The following UBAC2 variants were observed in gnomAD, a reference collection of about 807,000 sequenced individuals.
The protein encoded by UBAC2 is UBA domain containing 2.
A neutral mutation model predicts 44.0 loss-of-function variants in UBAC2; 26 were observed. The observed-to-expected ratio is 0.59, with a 90% CI of 0.43 to 0.82. UBAC2 has a LOEUF of 0.82. Ranked by LOEUF, UBAC2 falls within the 40% of genes least tolerant of loss-of-function variation. UBAC2 has a pLI of 0.00. For missense variants in UBAC2, 329 were observed against 419.4 expected (o/e 0.78, Z 1.88); for synonymous variants, 155 against 154.3 (o/e 1.00, Z -0.04).
At chr13:99,289,649 G>A (rs1202597847) in intron 4 of UBAC2, among the ~76,000 whole-genome samples, 2 of 151,798 alleles carry the variant, frequency 1.3e-5, no homozygotes, top group African/African-American at 4.8e-5. Flanking sequence ...GTTAAACACT[G>A]TTTTAATCAG....
chr13:99,300,482 T>G (rs1364352043), intron 4 of UBAC2, among the ~76,000 whole-genome samples: 2 of 152,226 alleles, frequency 1.3e-5, no homozygotes, highest in African/African-American at 4.8e-5. Flanking sequence ...GAAAATCCTT[T>G]CATATGCGTG....
At chr13:99,242,551 A>G (rs1255071806) in intron 2 of UBAC2, among the ~76,000 whole-genome samples, 1 of 103,276 alleles carries the variant, frequency 9.7e-6, no homozygotes, top group Non-Finnish European at 1.9e-5. Flanking sequence ...GTCCGGGCAG[A>G]GGGGCTCCTC....
chr13:99,204,676 G>A lies in UBAC2; in HGVS notation c.31+3737G>A, dbSNP rs17575181. 4.5e-3 allele frequency among the ~76,000 whole-genome samples: 678 copies of A among 152,160 alleles called. 1 individual carries two copies. The highest frequency in any genetic ancestry group is 7.4e-3 in the Non-Finnish European group (501 of 68,000). Reference sequence around the variant, plus strand: ...GATTTTCAAAACGGGCCTGAAGCGCGACCTGTGGGAAAGAAAGAGGCCCCC... The same window carrying A: ...GATTTTCAAAACGGGCCTGAAGCGCAACCTGTGGGAAAGAAAGAGGCCCCC... On this transcript the variant is annotated intron_variant, in intron 1 of 8. Transcript: ENST00000403766.
intron 4 of UBAC2, chr13:99,258,072 T>C (rs2043598866): frequency 6.6e-6 from 1 of 152,246 alleles, no homozygotes; most frequent in Non-Finnish European, 1.5e-5. Flanking sequence ...GCCTGTATTA[T>C]TAAAATGAAA....
intron 2 of UBAC2, 57 bp from the exon 3 acceptor site, chr13:99,243,774 GA>G: frequency 6.6e-7 from 1 of 1,511,700 alleles, no homozygotes; most frequent in Non-Finnish European, 8.9e-7. Flanking sequence ...ATTTGCTAAG[GA>G]AGAGACCCGA....
At chr13:99,232,394 T>TGA (rs1239741483) in intron 1 of UBAC2, among the ~76,000 whole-genome samples, 32 of 55,918 alleles carry the variant, frequency 5.7e-4, no homozygotes, top group South Asian at 1.4e-3. Context: ...CATCCTTAGT[T>TGA]GAGAGATATA....
At chr13:99,233,827 G>T (rs934474333) in intron 1 of UBAC2, among the ~76,000 whole-genome samples, 9 of 152,100 alleles carry the variant, frequency 5.9e-5, no homozygotes, top group African/African-American at 2.2e-4. Flanking sequence ...AAAAAAAAAG[G>T]CAGTGTTTTT....
In UBAC2 at chr13:99,242,337, C is replaced by A. The variant is rs577675378; in HGVS notation, c.160-1495C>A. Among the ~76,000 whole-genome samples the A allele has an allele frequency of 6.6e-3, 1,000 of 150,424 alleles. 5 individuals are homozygous for A. The highest frequency in any genetic ancestry group is 0.048 in the South Asian group (225 of 4,700). On this transcript the variant is annotated intron_variant, in intron 2 of 8. Transcript: ENST00000403766. ...GGCTGGCCGGGCGGGGGGCTGACCC[C>A]CCCACCTCCCTCCCGGACGGGGCGG... is the stretch of plus-strand genomic sequence containing the variant.
chr13:99,353,855 A>AC (rs2045134878), intron 7 of UBAC2, among the ~76,000 whole-genome samples: 1 of 152,028 alleles, frequency 6.6e-6, no homozygotes. Flanking sequence ...ATTTCGTGCA[A>AC]CCCCCAAGGT....
At chr13:99,259,301 A>G (rs1172161067) in intron 4 of UBAC2, among the ~76,000 whole-genome samples, 2 of 151,552 alleles carry the variant, frequency 1.3e-5, no homozygotes, top group African/African-American at 2.4e-5. Context: ...TCATGAACTT[A>G]AATGTATTTG....
At chr13:99,233,004 T>G (rs61968342) in intron 1 of UBAC2, among the ~76,000 whole-genome samples, 14,417 of 152,264 alleles carry the variant, frequency 0.095, 864 homozygotes, top group South Asian at 0.27. Flanking sequence ...GGAAATATCA[T>G]TATGAATCAT....
chr13:99,266,216 A>G (rs1368370629), intron 4 of UBAC2, among the ~76,000 whole-genome samples: 2 of 151,656 alleles, frequency 1.3e-5, no homozygotes, highest in South Asian at 2.1e-4. Context: ...ATATTACATA[A>G]TACTATATAA....
intron 7 of UBAC2, among the ~76,000 whole-genome samples, chr13:99,364,984 A>T (rs1594174085): frequency 6.6e-6 from 1 of 152,234 alleles, no homozygotes; most frequent in Non-Finnish European, 1.5e-5. Flanking sequence ...TGAGTCTCAC[A>T]TATGGCTCAG....
intron 4 of UBAC2, among the ~76,000 whole-genome samples, chr13:99,271,743 C>T (rs1181998576): frequency 6.6e-6 from 1 of 152,100 alleles, no homozygotes; most frequent in Admixed American, 6.5e-5. Flanking sequence ...TTATTGTGAA[C>T]TCATTTTCAG....
In UBAC2 at chr13:99,347,319, G is replaced by GCCCCCCCCCC. The variant is rs3031439; in HGVS notation, c.807+6760_807+6769dup. On this transcript the variant is annotated intron_variant, in intron 7 of 8. Coordinates refer to ENST00000403766, the MANE Select transcript of UBAC2 (RefSeq NM_001144072.2). ...GATTCAGACGTTACTATCCCCGGGC[G>GCCCCCCCCCC]CCCCCCCCCCCCCCCAGGAAAAAAA... Among the ~76,000 whole-genome samples the GCCCCCCCCCC allele has an allele frequency of 1.9e-4, 4 of 20,554 alleles. 1 individual carries two copies. Among genetic ancestry groups the GCCCCCCCCCC allele is most frequent in the Non-Finnish European group, 5.0e-4 (4 of 7,936 alleles). The allele number at this position is 20,554 out of a possible 152,430, so 13.5% of individuals were successfully genotyped here. A position where few individuals can be genotyped will look rare whatever the true frequency, so the allele number is the denominator to read the frequency against.
rs147474658 is a variant in UBAC2 at position 99,254,970 on chromosome 13, C to T, written c.389+10346C>T. ...TGCTTCGAAGGTAATTACGGTATAGCATGACACTAATGACTCGAGCCTGAA... is the reference window on the plus strand; with the variant it reads ...TGCTTCGAAGGTAATTACGGTATAGTATGACACTAATGACTCGAGCCTGAA... On this transcript the variant is annotated intron_variant, in intron 4 of 8. Coordinates refer to ENST00000403766, the MANE Select transcript of UBAC2 (RefSeq NM_001144072.2). The T allele has an allele frequency of 2.2e-4, 348 of 1,613,962 alleles. 1 individual carries two copies. The highest frequency in any genetic ancestry group is 2.3e-4 in the Non-Finnish European group (277 of 1,180,008).
At chr13:99,338,379 T>G (rs574287470) in intron 6 of UBAC2, among the ~76,000 whole-genome samples, 2 of 152,230 alleles carry the variant, frequency 1.3e-5, no homozygotes, top group Admixed American at 1.3e-4. Flanking sequence ...TAAGAAAGTT[T>G]ATGAATTTGT....
chr13:99,267,443 G>A (rs1318137290), intron 4 of UBAC2, among the ~76,000 whole-genome samples: 1 of 152,174 alleles, frequency 6.6e-6, no homozygotes, highest in African/African-American at 2.4e-5. Context: ...GTGAGGGGAA[G>A]GGAGGGGAGG....
intron 4 of UBAC2, among the ~76,000 whole-genome samples, chr13:99,263,972 G>A (rs1477843528): frequency 6.6e-6 from 1 of 152,174 alleles, no homozygotes; most frequent in Non-Finnish European, 1.5e-5. Context: ...TCATGCTTAG[G>A]TGGTAAACCT....
Sources: allele counts gnomAD v4.1 joint callset (sites outside exome capture counted in the v4.1 genomes callset), GRCh38; gene constraint gnomAD v4.1.1; transcripts MANE v1.5; gene names NCBI Gene and HGNC (gene_info 2026-07-23, HGNC 2026-07-21).